The following GFRAL variants were observed in gnomAD, a reference collection of about 807,000 sequenced individuals.
The protein encoded by GFRAL is GDNF family receptor alpha like.
A neutral mutation model predicts 45.4 loss-of-function variants in GFRAL; 36 were observed. The ratio of observed to expected loss-of-function variants is 0.79; its 90% CI spans 0.61 to 1.05. The LOEUF (loss-of-function observed/expected upper bound fraction) is 1.05. GFRAL is among the 50% of genes least tolerant of loss of function. GFRAL has a pLI of 0.00. For missense variants in GFRAL, 507 were observed against 467.5 expected (o/e 1.08, Z -0.78); for synonymous variants, 166 against 154.1 (o/e 1.08, Z -0.57).
chr6:55,350,334 C>T (rs534754777), intron 4 of GFRAL, among the ~76,000 whole-genome samples, 189 bp downstream of exon 4: 152 of 152,078 alleles, frequency 1.0e-3, no homozygotes, highest in African/African-American at 3.6e-3. Flanking sequence ...CTACTTTGCC[C>T]ATCCATTATC....
chr6:55,331,878 A>T, intron 2 of GFRAL, 29 bp downstream of exon 2: 1 of 1,582,568 alleles, frequency 6.3e-7, no homozygotes, highest in Non-Finnish European at 8.6e-7. Context: ...ATACACTCAA[A>T]TGATTTATTT....
chr6:55,392,528 TG>T (rs1768767021), intron 6 of GFRAL, among the ~76,000 whole-genome samples: 1 of 152,214 alleles, frequency 6.6e-6, no homozygotes, highest in Non-Finnish European at 1.5e-5. Flanking sequence ...CCATATCTCA[TG>T]GGGACATGTT....
At chr6:55,360,415 T>TCTATAG (rs1289188819) in intron 6 of GFRAL, among the ~76,000 whole-genome samples, 1 of 152,058 alleles carries the variant, frequency 6.6e-6, no homozygotes, top group East Asian at 1.9e-4. Flanking sequence ...TATATCTATA[T>TCTATAG]CTGTATCTAT....
At chr6:55,353,333 C>G (rs1768145226) in intron 5 of GFRAL, among the ~76,000 whole-genome samples, 1 of 152,060 alleles carries the variant, frequency 6.6e-6, no homozygotes, top group African/African-American at 2.4e-5. Context: ...TATGTCTACT[C>G]TTATTTTCAG....
chr6:55,372,359 A>T (rs1326842222), intron 6 of GFRAL, among the ~76,000 whole-genome samples: 1 of 152,182 alleles, frequency 6.6e-6, no homozygotes, highest in Non-Finnish European at 1.5e-5. Flanking sequence ...CTTTTCTAAG[A>T]TTCCAACCCA....
In GFRAL at chr6:55,351,301, G is replaced by C. The variant is rs267601084; in HGVS notation, c.419G>C (p.Gly140Ala). ...SCLEVAEACV[G>A]DVVCNAQLAS... ...TTGGAAGTGGCAGAGGCATGTGTAG[G>C]GGATGTGGTCTGTAATGCACAGTTG... Residue 140 changes from glycine (G) to alanine (A), a missense_variant, in exon 5 of 9, where the codon GGG becomes GCG. Gly to Ala is a moderately conservative substitution (Grantham distance 60). Coordinates refer to ENST00000340465, the MANE Select transcript of GFRAL (RefSeq NM_207410.2). 3 of 1,611,984 alleles carry C rather than the reference G, an allele frequency of 1.9e-6. No homozygotes were observed. The South Asian group carries it at 3.3e-5, about 18-fold the overall frequency.
In GFRAL at chr6:55,327,488, T is replaced by G. The variant is rs1364477935; in HGVS notation, c.-67T>G. 3 of 1,571,942 alleles carry G rather than the reference T, an allele frequency of 1.9e-6. No individual in the cohort carries two copies. In the East Asian group the frequency reaches 6.7e-5, roughly 35 times the overall value. ...GAAGCCTTATTCTGGACAGTTACTC[T>G]TAAGAAAGTTGTCAGAAGAAACGCA... On this transcript the variant is annotated 5_prime_UTR_variant, in exon 1 of 9. Transcript: ENST00000340465.
intron 6 of GFRAL, among the ~76,000 whole-genome samples, chr6:55,389,115 C>T (rs1265030428): frequency 6.6e-6 from 1 of 151,970 alleles, no homozygotes; most frequent in Non-Finnish European, 1.5e-5. Context: ...ATGTTAAGTT[C>T]AGGGGTACAT....
chr6:55,342,679 T>C (rs1767984875), intron 3 of GFRAL, among the ~76,000 whole-genome samples: 1 of 151,832 alleles, frequency 6.6e-6, no homozygotes, highest in South Asian at 2.1e-4. Context: ...CATAACAATA[T>C]TAACCTTAAA....
At chr6:55,384,777 C>A (rs1421880512) in intron 6 of GFRAL, among the ~76,000 whole-genome samples, 1 of 150,984 alleles carries the variant, frequency 6.6e-6, no homozygotes, top group African/African-American at 2.4e-5. Flanking sequence ...TTGGTCATGG[C>A]AGTTGGAATT....
At chr6:55,371,665 T>C (rs979271083) in intron 6 of GFRAL, among the ~76,000 whole-genome samples, 2 of 152,224 alleles carry the variant, frequency 1.3e-5, no homozygotes, top group African/African-American at 2.4e-5. Context: ...AAATGAATGC[T>C]GAATTTTATT....
At chr6:55,333,510 T>G (rs538395186) in intron 2 of GFRAL, among the ~76,000 whole-genome samples, 1 of 152,286 alleles carries the variant, frequency 6.6e-6, no homozygotes, top group South Asian at 2.1e-4. Flanking sequence ...AAGAGTAGCC[T>G]TATTTTTACT....
intron 5 of GFRAL, among the ~76,000 whole-genome samples, chr6:55,357,697 T>G (rs1251148441): frequency 2.0e-5 from 3 of 151,826 alleles, no homozygotes; most frequent in Non-Finnish European, 4.4e-5. Flanking sequence ...GAATCCAGTG[T>G]ACCAAAGTAG....
intron 6 of GFRAL, among the ~76,000 whole-genome samples, chr6:55,379,704 A>G (rs1052787440): frequency 4.6e-5 from 7 of 151,790 alleles, no homozygotes; most frequent in African/African-American, 1.7e-4. Flanking sequence ...ATTTTTCAAG[A>G]ATGTAATATA....
chr6:55,333,716 T>C, intron 2 of GFRAL, 70 bp from the exon 3 acceptor site: 1 of 956,650 alleles, frequency 1.0e-6, no homozygotes, highest in East Asian at 2.8e-5. Flanking sequence ...ATGTTAAAAG[T>C]ACTTTGGGGA....
At chr6:55,389,463 T>C (rs373599637) in intron 6 of GFRAL, among the ~76,000 whole-genome samples, 1 of 152,134 alleles carries the variant, frequency 6.6e-6, no homozygotes, top group Non-Finnish European at 1.5e-5. Context: ...TAGCAAAACA[T>C]AATTTCTTAC....
At chr6:55,336,233 CG>C (rs1293179691) in intron 3 of GFRAL, among the ~76,000 whole-genome samples, 3 of 152,140 alleles carry the variant, frequency 2.0e-5, no homozygotes, top group African/African-American at 7.2e-5. Context: ...TGTGAGCCAC[CG>C]GGCCGGGCCA....
intron 6 of GFRAL, among the ~76,000 whole-genome samples, chr6:55,383,980 C>T (rs1581757661): frequency 6.6e-6 from 1 of 152,048 alleles, no homozygotes; most frequent in Non-Finnish European, 1.5e-5. Flanking sequence ...AACTTCAACA[C>T]TAGTTCCTTT....
chr6:55,328,089 A>T (rs932851958), intron 1 of GFRAL, among the ~76,000 whole-genome samples: 3 of 152,020 alleles, frequency 2.0e-5, no homozygotes, highest in African/African-American at 4.8e-5. Flanking sequence ...ACTTAACACC[A>T]TATCAGAATG....
Sources: gnomAD v4.1 joint callset for allele counts (sites outside exome capture counted in the v4.1 genomes callset) on GRCh38, gnomAD v4.1.1 for gene constraint, MANE v1.5 for transcripts, NCBI Gene and HGNC (gene_info 2026-07-23, HGNC 2026-07-21) for gene names.